HEATR5A: variants seen among roughly 807,000 people sequenced by gnomAD.
The protein encoded by HEATR5A is HEAT repeat containing 5A.
A neutral mutation model predicts 218.8 loss-of-function variants in HEATR5A; 178 were observed. The ratio of observed to expected loss-of-function variants is 0.81; its 90% CI spans 0.72 to 0.92. The LOEUF (loss-of-function observed/expected upper bound fraction) is 0.92. Among genes scored for constraint, HEATR5A ranks in the 40% least tolerant of loss-of-function variants. The pLI, the probability that HEATR5A is intolerant of heterozygous loss-of-function variation, is 0.00. For synonymous variants in HEATR5A, 864 were observed against 871.6 expected (o/e 0.99, Z 0.15); for missense variants, 2,420 against 2,418.9 (o/e 1.00, Z -0.01).
chr14:31,354,278 G>A (rs56202161), intron 16 of HEATR5A, among the ~76,000 whole-genome samples: 2,409 of 152,126 alleles, frequency 0.016, 34 homozygotes, highest in South Asian at 0.026. Flanking sequence ...AAATTGTATC[G>A]CACTGGAAGT....
chr14:31,384,604 G>A (rs2030134365), intron 9 of HEATR5A, among the ~76,000 whole-genome samples: 1 of 149,560 alleles, frequency 6.7e-6, no homozygotes. Flanking sequence ...TTGGTTCACT[G>A]CAACCTTCGC....
intron 13 of HEATR5A, among the ~76,000 whole-genome samples, chr14:31,368,357 T>A (rs1488813484): frequency 6.6e-6 from 1 of 152,158 alleles, no homozygotes; most frequent in African/African-American, 2.4e-5. Context: ...GCCCGTTTTT[T>A]AATAAATTAT....
chr14:31,395,985 T>C (rs1260578331), intron 4 of HEATR5A, among the ~76,000 whole-genome samples: 2 of 152,164 alleles, frequency 1.3e-5, no homozygotes, highest in African/African-American at 2.4e-5. Context: ...TATTTCCTCA[T>C]CTATAAAATG....
chr14:31,343,806 A>G, intron 21 of HEATR5A, 90 bp downstream of exon 21: 1 of 1,065,526 alleles, frequency 9.4e-7, no homozygotes, highest in Non-Finnish European at 1.3e-6. Context: ...AACTTTGTAC[A>G]TAGTCTAGAG....
At chr14:31,415,095 C>A (rs1304463575) in intron 1 of HEATR5A, among the ~76,000 whole-genome samples, 1 of 152,214 alleles carries the variant, frequency 6.6e-6, no homozygotes, top group Non-Finnish European at 1.5e-5. Context: ...GCCTTGGCCT[C>A]CCAAAGTGCT....
intron 34 of HEATR5A, 65 bp downstream of exon 34, chr14:31,295,844 A>C (rs1899172607): frequency 8.8e-6 from 12 of 1,366,188 alleles, no homozygotes; most frequent in Non-Finnish European, 1.0e-5. Context: ...AAAATCACAC[A>C]GAAAATTTTC....
intron 22 of HEATR5A, among the ~76,000 whole-genome samples, chr14:31,326,689 C>CT (rs1167467030): frequency 6.6e-6 from 1 of 152,120 alleles, no homozygotes; most frequent in Non-Finnish European, 1.5e-5. Context: ...GTTGCCCAGG[C>CT]TAGAGTGCAA....
At chr14:31,398,188 C>T (rs1249759660) in intron 4 of HEATR5A, among the ~76,000 whole-genome samples, 1 of 152,088 alleles carries the variant, frequency 6.6e-6, no homozygotes, top group Non-Finnish European at 1.5e-5. Flanking sequence ...AAAATATACT[C>T]CCTTGGCAAT....
At chr14:31,418,752 G>A (rs2031539439) in intron 1 of HEATR5A, among the ~76,000 whole-genome samples, 1 of 152,014 alleles carries the variant, frequency 6.6e-6, no homozygotes, top group African/African-American at 2.4e-5. Flanking sequence ...ACTCAATAGA[G>A]CTTTTTAAAA....
chr14:31,344,678 T>C (rs543513992), intron 20 of HEATR5A, among the ~76,000 whole-genome samples: 1 of 40,202 alleles, frequency 2.5e-5, no homozygotes, highest in African/African-American at 4.8e-5. Flanking sequence ...CAAATTTTCA[T>C]AAAAAGTGGA....
Position 31,304,885 on chromosome 14 carries a change from A to C in HEATR5A, c.5239+20T>G. The C allele has an allele frequency of 6.2e-7, 1 of 1,606,418 alleles. No individual in the cohort carries two copies. The highest frequency in any genetic ancestry group is 8.5e-7 in the Non-Finnish European group (1 of 1,178,164). On this transcript the variant is annotated intron_variant, in intron 32 of 35. Coordinates refer to ENST00000543095, the MANE Select transcript of HEATR5A (RefSeq NM_015473.4). ...ATTTCTCTTCTAGGTCAAGTCAAGC[A>C]ATCACATACCACAGCATACCTTCAG...
intron 11 of HEATR5A, among the ~76,000 whole-genome samples, chr14:31,379,575 A>C (rs1566775164): frequency 6.6e-6 from 1 of 152,186 alleles, no homozygotes; most frequent in African/African-American, 2.4e-5. Flanking sequence ...ATATCTAGCT[A>C]TAACTTGTAT....
intron 25 of HEATR5A, chr14:31,320,257 C>T: frequency 1.4e-6 from 1 of 701,392 alleles, no homozygotes; most frequent in Non-Finnish European, 2.7e-6. Flanking sequence ...AGGAGATCAT[C>T]AAACAGAAGA....
At chr14:31,386,780 C>T (rs2030241538) in intron 8 of HEATR5A, among the ~76,000 whole-genome samples, 1 of 152,134 alleles carries the variant, frequency 6.6e-6, no homozygotes, top group Non-Finnish European at 1.5e-5. Flanking sequence ...TTAGTTCAGG[C>T]ATTCCAATCA....
chr14:31,403,310 C>G (rs1366823493), intron 1 of HEATR5A, among the ~76,000 whole-genome samples: 2 of 152,130 alleles, frequency 1.3e-5, no homozygotes, highest in African/African-American at 2.4e-5. Context: ...AAGAGACATT[C>G]CACTAAAATT....
intron 34 of HEATR5A, 102 bp downstream of exon 34, chr14:31,295,804 TGTA>T: frequency 2.4e-6 from 2 of 818,510 alleles, no homozygotes; most frequent in Non-Finnish European, 3.9e-6. Context: ...ATAAAAAAAT[TGTA>T]GTCTAATACT....
At chr14:31,391,231 G>A (rs1016918435) in intron 6 of HEATR5A, among the ~76,000 whole-genome samples, 2 of 152,118 alleles carry the variant, frequency 1.3e-5, no homozygotes, top group Non-Finnish European at 2.9e-5. Flanking sequence ...CATGTTAAAG[G>A]GTTCAAGTGA....
chr14:31,407,580 TTATTTATATA>T (rs1400985362), intron 1 of HEATR5A, among the ~76,000 whole-genome samples: 38 of 149,284 alleles, frequency 2.5e-4, no homozygotes, highest in Middle Eastern at 3.4e-3. Context: ...ATCACTTATT[TTATTTATATA>T]TATATATATA....
rs149832555 is a variant in HEATR5A, at chr14:31,336,205, T to TATAC, written c.3367+1267_3367+1270dup. On this transcript the variant is annotated intron_variant, in intron 22 of 35. Transcript: ENST00000543095. ...TATTGCGCAGGGGGTTATTTTTATA[T>TATAC]ATACATACATACATATATATATATA... Among the ~76,000 whole-genome samples the TATAC allele has an allele frequency of 5.2e-4, 10 of 19,386 alleles. No homozygotes were observed. The South Asian group carries it at 7.9e-3, about 15-fold the overall frequency. The allele number at this position is 19,386 out of a possible 152,430, so 12.7% of individuals were successfully genotyped here. A position where few individuals can be genotyped will look rare whatever the true frequency, so the allele number is the denominator to read the frequency against.
Sources: gnomAD v4.1 joint callset for allele counts (sites outside exome capture counted in the v4.1 genomes callset) on GRCh38, gnomAD v4.1.1 for gene constraint, MANE v1.5 for transcripts, NCBI Gene and HGNC (gene_info 2026-07-23, HGNC 2026-07-21) for gene names.